ADCY5: variants seen among roughly 807,000 people sequenced by gnomAD.
The protein encoded by ADCY5 is adenylate cyclase 5, also known as adenylate cyclase type 5.
In ADCY5, 30 loss-of-function variants were observed where a neutral mutation model predicts 119.7. That is an observed-to-expected ratio of 0.25 (90% CI 0.19 to 0.34). The LOEUF (loss-of-function observed/expected upper bound fraction) is 0.34. ADCY5 is among the 10% of genes least tolerant of loss of function. The pLI, the probability that ADCY5 is intolerant of heterozygous loss-of-function variation, is 1.00. For missense variants in ADCY5, 1,324 were observed against 1,775.2 expected, an observed-to-expected ratio of 0.75 and a Z score of 4.57; for synonymous variants, 753 against 762.2, an observed-to-expected ratio of 0.99 and a Z score of 0.20.
chr3:123,389,716 G>A (rs895781406), intron 1 of ADCY5, among the ~76,000 whole-genome samples: 3 of 152,048 alleles, frequency 2.0e-5, no homozygotes, highest in South Asian at 2.1e-4. Context: ...TTTCCCCCTC[G>A]CTGACCACAG....
At chr3:123,395,653 G>A (rs1944517503) in intron 1 of ADCY5, among the ~76,000 whole-genome samples, 1 of 152,030 alleles carries the variant, frequency 6.6e-6, no homozygotes, top group Admixed American at 6.6e-5. Flanking sequence ...TGAGGTGGGA[G>A]GATTGCTTGA....
intron 20 of ADCY5, among the ~76,000 whole-genome samples, chr3:123,285,167 C>T (rs1289556547): frequency 6.6e-6 from 1 of 152,186 alleles, no homozygotes. Context: ...CAGATCAGAA[C>T]GATTTTTAAA....
chr3:123,363,703 A>T (rs1026883178), intron 1 of ADCY5, among the ~76,000 whole-genome samples: 1 of 152,214 alleles, frequency 6.6e-6, no homozygotes, highest in African/African-American at 2.4e-5. Flanking sequence ...GAGGCCAGGA[A>T]TTTGAGACCA....
chr3:123,346,158 G>A (rs754688301), intron 3 of ADCY5, among the ~76,000 whole-genome samples: 82 of 152,216 alleles, frequency 5.4e-4, no homozygotes, highest in Non-Finnish European at 4.0e-4. Flanking sequence ...GCTAGTGATC[G>A]TTCCACCATG....
rs139641136 is a variant in ADCY5, at chr3:123,291,270, C to T, written c.3170G>A (p.Arg1057Gln). ...DVAAHFLARE[R>Q]RNDELYYQSC... ...CTGATAGTAGAGCTCATCATTGCGC[C>T]GCTCGCGGGCCAGGAAGTGAGCGGC... Residue 1057 changes from arginine to glutamine, a missense_variant, in exon 18 of 21, where the codon CGG becomes CAG. By Grantham distance (43) the Arg-to-Gln change is conservative. Coordinates refer to ENST00000462833, the MANE Select transcript of ADCY5 (RefSeq NM_183357.3). The T allele has an allele frequency of 9.3e-6, 15 of 1,613,844 alleles. No individual in the cohort carries two copies. Among genetic ancestry groups the T allele is most frequent in the East Asian group, 6.7e-5 (3 of 44,894 alleles).
intron 1 of ADCY5, among the ~76,000 whole-genome samples, chr3:123,412,372 G>T (rs908378531): frequency 6.6e-6 from 1 of 152,142 alleles, no homozygotes; most frequent in South Asian, 2.1e-4. Flanking sequence ...ACGTCCCTGC[G>T]GGCTCTCCCC....
rs971262935 is a variant in ADCY5 at position 123,304,069 on chromosome 3, T to C, written c.2557A>G (p.Met853Val). The C allele has an allele frequency of 6.2e-7, 1 of 1,608,240 alleles. No individual in the cohort carries two copies. The highest frequency in any genetic ancestry group is 8.5e-7 in the Non-Finnish European group (1 of 1,174,916). Residue 853 changes from methionine (M) to valine (V), a missense_variant and splice_region_variant, in exon 13 of 21, where the codon ATG becomes GTG. Around this residue, in one of 6 missense-constraint regions of ADCY5, gnomAD observed 424 missense variants for 546.8 expected, o/e 0.78. Transcript: ENST00000462833. ...TAGGAGGTCGTGCAGCCACCCACCA[T>C]GTTGACAAAAGCCGCCAGGAACACC... ...TLVFLAAFVN[M>V]FTCNSRDLLG...
At chr3:123,284,978 C>A (rs56102802) in intron 20 of ADCY5, among the ~76,000 whole-genome samples, 1 of 152,190 alleles carries the variant, frequency 6.6e-6, no homozygotes, top group Non-Finnish European at 1.5e-5. Context: ...GGCACTGTGA[C>A]GGGCAGCTTG....
chr3:123,400,303 GACCAGCACCGCTTGCCCTTCT>G (rs1396465543), intron 1 of ADCY5, among the ~76,000 whole-genome samples: 1 of 152,186 alleles, frequency 6.6e-6, no homozygotes, highest in Non-Finnish European at 1.5e-5. Flanking sequence ...GACGCAGCTA[GACCAGCACCGCTTGCCCTTCT>G]AGTGGGAATG....
At chr3:123,358,352 C>A (rs534991755) in intron 1 of ADCY5, among the ~76,000 whole-genome samples, 3 of 152,178 alleles carry the variant, frequency 2.0e-5, no homozygotes, top group Non-Finnish European at 4.4e-5. Context: ...CACCTGGAAT[C>A]CCAGCACTTT....
At position 123,360,520 on chromosome 3, in the gene ADCY5, A is replaced by G. The variant is rs1943211894; in HGVS notation, c.1135-7939T>C. Reference sequence around the variant, plus strand: ...ACCCAAAAACCTGCCAGGACTCTCCATTACCAGTAAGATAAAGTCCAAACT... The same window carrying G: ...ACCCAAAAACCTGCCAGGACTCTCCGTTACCAGTAAGATAAAGTCCAAACT... On this transcript the variant is annotated intron_variant, in intron 1 of 20. Coordinates refer to ENST00000462833, the MANE Select transcript of ADCY5 (RefSeq NM_183357.3). Among the ~76,000 whole-genome samples the G allele has an allele frequency of 2.6e-5, 4 of 152,142 alleles. No homozygotes were observed. In the South Asian group the frequency reaches 8.3e-4, roughly 32 times the overall value.
At chr3:123,365,550 T>C (rs1203978902) in intron 1 of ADCY5, among the ~76,000 whole-genome samples, 1 of 152,160 alleles carries the variant, frequency 6.6e-6, no homozygotes, top group East Asian at 1.9e-4. Flanking sequence ...GTGATGTATC[T>C]ATGGGAAGAA....
chr3:123,345,749 G>GAC (rs1470264929), intron 3 of ADCY5, among the ~76,000 whole-genome samples: 3 of 36,806 alleles, frequency 8.2e-5, no homozygotes, highest in African/African-American at 2.5e-4. Flanking sequence ...CAGACAGACA[G>GAC]ACAGACAGAC....
intron 3 of ADCY5, among the ~76,000 whole-genome samples, chr3:123,341,863 T>C (rs1039940553): frequency 6.6e-6 from 1 of 151,986 alleles, no homozygotes; most frequent in African/African-American, 2.4e-5. Context: ...GTTTGTGGAA[T>C]GACTAAAATA....
chr3:123,293,851 C>T (rs750844561), intron 17 of ADCY5, among the ~76,000 whole-genome samples: 7 of 152,198 alleles, frequency 4.6e-5, no homozygotes, highest in Non-Finnish European at 8.8e-5. Flanking sequence ...GCACACCAAA[C>T]GCTCAGACCT....
At position 123,447,965 on chromosome 3, in the gene ADCY5, C is replaced by CCCGAGT. The variant is rs1553751196; in HGVS notation, c.575_580dup (p.Asp192_Ser193dup). On this transcript the variant is annotated inframe_insertion, in exon 1 of 21. Transcript: ENST00000462833. Reference sequence around the variant, plus strand: ...CACCGCGCCGGGCCCCGCGCCCGAGCCCGAGTCCGCCGAGCTGCCGCCATC... The same window carrying CCCGAGT: ...CACCGCGCCGGGCCCCGCGCCCGAGCCCGAGTCCGAGTCCGCCGAGCTGCCGCCATC... 1 of 1,465,296 alleles carries CCCGAGT rather than the reference C, an allele frequency of 6.8e-7. No homozygotes were observed. The highest frequency in any genetic ancestry group is 9.0e-7 in the Non-Finnish European group (1 of 1,108,068). The allele number at this position is 1,465,296 out of a possible 1,614,324, so 90.8% of individuals were successfully genotyped here.
At chr3:123,376,446 C>A (rs893156277) in intron 1 of ADCY5, among the ~76,000 whole-genome samples, 7 of 152,036 alleles carry the variant, frequency 4.6e-5, no homozygotes, top group African/African-American at 9.7e-5. Context: ...AGCATATGTT[C>A]TTTCTGCCTG....
At chr3:123,388,046 C>A (rs979131637) in intron 1 of ADCY5, among the ~76,000 whole-genome samples, 3 of 152,112 alleles carry the variant, frequency 2.0e-5, no homozygotes, top group African/African-American at 7.2e-5. Context: ...AGAAGCTTGG[C>A]AGAAGAGAAC....
chr3:123,392,825 C>G (rs190532043), intron 1 of ADCY5, among the ~76,000 whole-genome samples: 1 of 144,348 alleles, frequency 6.9e-6, no homozygotes, highest in East Asian at 2.1e-4. Flanking sequence ...AATGGTGCCC[C>G]TTATTCATCC....
Sources: allele counts gnomAD v4.1 joint callset (sites outside exome capture counted in the v4.1 genomes callset), GRCh38; gene constraint gnomAD v4.1.1; regional missense constraint gnomAD v4.1.1; transcripts MANE v1.5; gene names NCBI Gene and HGNC (gene_info 2026-07-23, HGNC 2026-07-21).